NAALADL2: variants seen among roughly 807,000 people sequenced by gnomAD.
NAALADL2 encodes the protein N-acetylated alpha-linked acidic dipeptidase like 2, also known as inactive N-acetylated-alpha-linked acidic dipeptidase-like protein 2.
NAALADL2 carries 76 observed loss-of-function variants against 87.2 expected under a neutral mutation model. That is an observed-to-expected ratio of 0.87 (90% CI 0.72 to 1.05). The LOEUF (loss-of-function observed/expected upper bound fraction) is 1.05, where lower values mean the gene tolerates loss of function less well. NAALADL2 is among the 50% of genes least tolerant of loss of function. The pLI, the probability that NAALADL2 is intolerant of heterozygous loss-of-function variation, is 0.00. For synonymous variants in NAALADL2, 354 were observed against 331.0 expected (o/e 1.07, Z -0.75); for missense variants, 1,089 against 945.8 (o/e 1.15, Z -1.99).
At chr3:175,437,873 T>G (rs1296300349) in intron 5 of NAALADL2, among the ~76,000 whole-genome samples, 2 of 151,632 alleles carry the variant, frequency 1.3e-5, no homozygotes, top group Admixed American at 1.3e-4. Context: ...TTCCACTCCC[T>G]TTAATGTAAA....
At chr3:175,024,820 C>T (rs1752014573) in intron 1 of NAALADL2, among the ~76,000 whole-genome samples, 1 of 151,932 alleles carries the variant, frequency 6.6e-6, no homozygotes, top group Admixed American at 6.6e-5. Flanking sequence ...GTAACATGTA[C>T]ATTTTAGAGA....
chr3:175,299,019 G>A (rs1459910694), intron 4 of NAALADL2, among the ~76,000 whole-genome samples: 3 of 152,120 alleles, frequency 2.0e-5, no homozygotes, highest in African/African-American at 7.2e-5. Flanking sequence ...ACCAGTGTAA[G>A]CATTAACAGA....
chr3:174,738,439 A>G (rs929525170), intron 3 of NAALADL2, among the ~76,000 whole-genome samples: 46 of 152,216 alleles, frequency 3.0e-4, no homozygotes, highest in Non-Finnish European at 6.3e-4. Context: ...GTTAGATTAA[A>G]TAAGGGAAAG....
chr3:175,036,425 A>G (rs1362494548), intron 1 of NAALADL2, among the ~76,000 whole-genome samples: 1 of 150,954 alleles, frequency 6.6e-6, no homozygotes, highest in African/African-American at 2.4e-5. Flanking sequence ...TTTGAGACAG[A>G]GTCTCGCTCT....
At chr3:174,979,532 G>C (rs1459750308) in intron 1 of NAALADL2, among the ~76,000 whole-genome samples, 6 of 151,598 alleles carry the variant, frequency 4.0e-5, no homozygotes, top group Non-Finnish European at 7.4e-5. Flanking sequence ...GTCTCCATCT[G>C]CTGGCCTCGT....
At chr3:175,548,701 G>T (rs1002774506) in intron 9 of NAALADL2, among the ~76,000 whole-genome samples, 3 of 151,974 alleles carry the variant, frequency 2.0e-5, no homozygotes, top group African/African-American at 7.2e-5. Context: ...CACAGTGCTA[G>T]AAAATGGAGA....
intron 1 of NAALADL2, among the ~76,000 whole-genome samples, chr3:174,943,759 G>A (rs1366467822): frequency 1.3e-5 from 2 of 152,166 alleles, no homozygotes; most frequent in Non-Finnish European, 2.9e-5. Context: ...GGACCCATGG[G>A]AGATTGACTG....
intron 1 of NAALADL2, among the ~76,000 whole-genome samples, chr3:174,892,547 T>C (rs941870350): frequency 1.3e-5 from 2 of 152,090 alleles, no homozygotes; most frequent in Non-Finnish European, 2.9e-5. Context: ...ATAGTATATA[T>C]GGAAAGATAC....
At chr3:174,622,676 A>G (rs921087424) in intron 2 of NAALADL2, among the ~76,000 whole-genome samples, 1 of 152,230 alleles carries the variant, frequency 6.6e-6, no homozygotes, top group African/African-American at 2.4e-5. Context: ...TTAAAAAACC[A>G]AAGGAAGAGA....
At chr3:175,352,949 G>C (rs1763938315) in intron 5 of NAALADL2, among the ~76,000 whole-genome samples, 1 of 151,956 alleles carries the variant, frequency 6.6e-6, no homozygotes, top group Non-Finnish European at 1.5e-5. Context: ...GACTCCAGCA[G>C]GTATTCATTA....
At chr3:175,442,117 G>A (rs1406133031) in intron 5 of NAALADL2, among the ~76,000 whole-genome samples, 1 of 151,866 alleles carries the variant, frequency 6.6e-6, no homozygotes, top group African/African-American at 2.4e-5. Context: ...GCTAATTTTT[G>A]TAATTTCAGT....
At position 175,698,313 on chromosome 3, in the gene NAALADL2, G is replaced by A. The variant is rs534544302; in HGVS notation, c.1897-38993G>A. On this transcript the variant is annotated intron_variant, in intron 11 of 13. Coordinates refer to ENST00000454872, the MANE Select transcript of NAALADL2 (RefSeq NM_207015.3). ...TGTATACATATATATGTGTATATAT[G>A]TATGTGTATTTATGTATGTGTATAT... is the stretch of plus-strand genomic sequence containing the variant. Among the ~76,000 whole-genome samples the A allele has an allele frequency of 1.1e-4, 10 of 88,918 alleles. 4 individuals carry two copies. Among genetic ancestry groups the A allele is most frequent in the African/African-American group, 6.0e-4 (10 of 16,632 alleles). The allele number at this position is 88,918 out of a possible 152,430, so 58.3% of individuals were successfully genotyped here.
chr3:175,338,626 CACACACA>C (rs1560388736), intron 5 of NAALADL2, among the ~76,000 whole-genome samples: 6 of 32,924 alleles, frequency 1.8e-4, no homozygotes, highest in Non-Finnish European at 3.1e-4. Flanking sequence ...ACCACAAACA[CACACACA>C]CACACACACA....
At chr3:175,781,847 G>T (rs1385295421) in intron 13 of NAALADL2, among the ~76,000 whole-genome samples, 1 of 151,560 alleles carries the variant, frequency 6.6e-6, no homozygotes, top group Non-Finnish European at 1.5e-5. Context: ...ATCTCCCAAT[G>T]CTATCCCTCC....
chr3:174,557,859 G>C (rs562400867), intron 2 of NAALADL2, among the ~76,000 whole-genome samples: 2 of 152,138 alleles, frequency 1.3e-5, no homozygotes, highest in Non-Finnish European at 2.9e-5. Context: ...GGGAAACCAG[G>C]CACAAACTTC....
At chr3:175,082,688 T>C (rs964635079) in intron 1 of NAALADL2, among the ~76,000 whole-genome samples, 3 of 152,198 alleles carry the variant, frequency 2.0e-5, no homozygotes, top group Non-Finnish European at 4.4e-5. Context: ...AAATATTTTC[T>C]TTTTTTGGAA....
chr3:175,048,704 TA>T (rs1168653496), intron 1 of NAALADL2, among the ~76,000 whole-genome samples: 1 of 152,114 alleles, frequency 6.6e-6, no homozygotes, highest in Non-Finnish European at 1.5e-5. Context: ...TACAGCTAAG[TA>T]TTGTTTTATT....
Position 174,773,262 on chromosome 3 carries a change from G to T in NAALADL2, c.-9+35516G>T, listed in dbSNP as rs575795694. 9.9e-5 allele frequency among the ~76,000 whole-genome samples: 15 copies of T among 152,268 alleles called. 1 individual carries two copies. The South Asian group carries it at 3.1e-3, about 32-fold the overall frequency. On this transcript the variant is annotated intron_variant, in intron 3 of 3. Transcript: ENST00000434257. ...GAGGAGAAGGTATCCTTGGAATAAA[G>T]ACAATATCCCACAAGCTAAAAAACT... is the stretch of plus-strand genomic sequence containing the variant.
chr3:175,029,066 A>ATATAT (rs569220638), intron 1 of NAALADL2, among the ~76,000 whole-genome samples: 6 of 136,022 alleles, frequency 4.4e-5, no homozygotes, highest in African/African-American at 1.0e-4. Context: ...TATATATATA[A>ATATAT]AAAACTCAAA....
Sources: gnomAD v4.1 joint callset for allele counts (sites outside exome capture counted in the v4.1 genomes callset) on GRCh38, gnomAD v4.1.1 for gene constraint, MANE v1.5 for transcripts, NCBI Gene and HGNC (gene_info 2026-07-23, HGNC 2026-07-21) for gene names.